Variants in CCDC150 observed in about 807,000 individuals in gnomAD.
CCDC150 encodes coiled-coil domain containing 150, also known as coiled-coil domain-containing protein 150.
A neutral mutation model predicts 156.5 loss-of-function variants in CCDC150; 151 were observed. That is an observed-to-expected ratio of 0.97 (90% CI 0.85 to 1.10). CCDC150 has a LOEUF of 1.10. Ranked by LOEUF, CCDC150 falls within the 50% of genes least tolerant of loss-of-function variation. CCDC150 has a pLI of 0.00. For synonymous variants in CCDC150, 452 were observed against 429.4 expected (o/e 1.05, Z -0.65); for missense variants, 1,312 against 1,268.1 (o/e 1.03, Z -0.53).
At chr2:196,665,529 A>G in intron 5 of CCDC150, 38 bp from the exon 6 acceptor site, 4 of 1,230,546 alleles carry the variant, frequency 3.3e-6, no homozygotes, top group Non-Finnish European at 2.3e-6. Flanking sequence ...AACTAGTATG[A>G]TCAATTGGTC....
rs181117365 is a variant in CCDC150, at chr2:196,725,263, G to A, written c.2430-710G>A. ...GTAAGTCATTATCAGCTAGATCAGA[G>A]AATGTTAAAGCTGGAATAAGCCTAG... On this transcript the variant is annotated intron_variant, in intron 21 of 27. Transcript: ENST00000389175. 1.2e-3 allele frequency among the ~76,000 whole-genome samples: 190 copies of A among 152,274 alleles called. 1 individual carries two copies. Among genetic ancestry groups the A allele is most frequent in the Admixed American group, 2.4e-3 (36 of 15,294 alleles).
intron 18 of CCDC150, 85 bp downstream of exon 18, chr2:196,718,716 G>A: frequency 6.7e-7 from 1 of 1,492,556 alleles, no homozygotes; most frequent in East Asian, 2.3e-5. Flanking sequence ...TCGCTTTCTT[G>A]CTTCCATTAG....
chr2:196,674,118 A>G, intron 9 of CCDC150, 123 bp from the exon 10 acceptor site: 1 of 573,212 alleles, frequency 1.7e-6, no homozygotes, highest in Non-Finnish European at 3.0e-6. Context: ...AATTGAGGAT[A>G]GGTTAAATAG....
intron 15 of CCDC150, among the ~76,000 whole-genome samples, chr2:196,708,499 C>G (rs989408989): frequency 6.6e-6 from 1 of 152,094 alleles, no homozygotes; most frequent in African/African-American, 2.4e-5. Flanking sequence ...GCATTTAGTC[C>G]ATTTACATTT....
chr2:196,684,913 C>T (rs193286396), intron 13 of CCDC150, among the ~76,000 whole-genome samples: 2 of 152,058 alleles, frequency 1.3e-5, no homozygotes, highest in Admixed American at 1.3e-4. Context: ...CATCCTTTTG[C>T]TTTCAACCCC....
intron 2 of CCDC150, among the ~76,000 whole-genome samples, chr2:196,648,655 T>C (rs1559212618): frequency 6.6e-6 from 1 of 152,202 alleles, no homozygotes; most frequent in Non-Finnish European, 1.5e-5. Context: ...TTTCTATTTG[T>C]CTATTTTTGC....
chr2:196,700,923 G>T (rs1181091780), intron 14 of CCDC150, among the ~76,000 whole-genome samples, 186 bp from the exon 15 acceptor site: 1 of 152,188 alleles, frequency 6.6e-6, no homozygotes, highest in Non-Finnish European at 1.5e-5. Flanking sequence ...AGCAGTCTCT[G>T]TACATGTTGC....
At chr2:196,659,632 T>G (rs1208265159) in intron 5 of CCDC150, among the ~76,000 whole-genome samples, 1 of 152,204 alleles carries the variant, frequency 6.6e-6, no homozygotes, top group Non-Finnish European at 1.5e-5. Flanking sequence ...AGCTTGATGC[T>G]CATAGTTAGA....
intron 21 of CCDC150, among the ~76,000 whole-genome samples, chr2:196,724,011 A>G (rs963720839): frequency 1.3e-5 from 2 of 152,194 alleles, no homozygotes; most frequent in Non-Finnish European, 2.9e-5. Context: ...GAGAAAAGAG[A>G]GAGTATAAGA....
chr2:196,666,654 G>T (rs1383168239), intron 6 of CCDC150, 65 bp from the exon 7 acceptor site: 4 of 1,334,556 alleles, frequency 3.0e-6, no homozygotes, highest in Middle Eastern at 1.9e-4. Context: ...TTATACATGT[G>T]CTATAAGGCA....
At position 196,667,099 on chromosome 2, in the gene CCDC150, G is replaced by A. The variant is rs1693895396; in HGVS notation, c.892+251G>A. On this transcript the variant is annotated intron_variant, in intron 7 of 27. Coordinates refer to ENST00000389175, the MANE Select transcript of CCDC150 (RefSeq NM_001080539.2). ...TTTTTTCCAGCTTGTTTGTGGACCTGGGAATATTTGGTTTCTAGACATCTG... is the reference window on the plus strand; with the variant it reads ...TTTTTTCCAGCTTGTTTGTGGACCTAGGAATATTTGGTTTCTAGACATCTG... 10 of 482,618 alleles carry A rather than the reference G, an allele frequency of 2.1e-5. No homozygotes were observed. In the Admixed American group the frequency reaches 3.3e-4, roughly 16 times the overall value. 29.9% of individuals were successfully genotyped at this position (482,618 alleles called of 1,614,324 possible). A position where few individuals can be genotyped will look rare whatever the true frequency, so the allele number is the denominator to read the frequency against.
At chr2:196,708,369 C>T (rs1265542362) in intron 15 of CCDC150, among the ~76,000 whole-genome samples, 1 of 152,114 alleles carries the variant, frequency 6.6e-6, no homozygotes, top group Non-Finnish European at 1.5e-5. Flanking sequence ...GTAGATCTTC[C>T]TCCATCCCTT....
chr2:196,643,139 T>C (rs1313822689), intron 1 of CCDC150, among the ~76,000 whole-genome samples: 2 of 152,220 alleles, frequency 1.3e-5, no homozygotes, highest in East Asian at 3.8e-4. Context: ...TCTCAGCGAT[T>C]GACTAAGAGG....
At chr2:196,650,763 G>A (rs1242602458) in intron 2 of CCDC150, among the ~76,000 whole-genome samples, 1 of 152,162 alleles carries the variant, frequency 6.6e-6, no homozygotes, top group African/African-American at 2.4e-5. Flanking sequence ...TTCTTTTAGT[G>A]TGTTTGTCTG....
At chr2:196,700,353 G>T (rs141952999) in intron 14 of CCDC150, among the ~76,000 whole-genome samples, 1 of 152,152 alleles carries the variant, frequency 6.6e-6, no homozygotes, top group Non-Finnish European at 1.5e-5. Context: ...AATATTTCCT[G>T]TTATTAAGAT....
Position 196,678,323 on chromosome 2 carries a change from A to G in CCDC150, c.1509+962A>G, listed in dbSNP as rs1575816484. Reference sequence around the variant, plus strand: ...TGTTTCTTTGCTTCTGGTTTGCCCAAGTAGCATTTGTATTACCATATATAC... The same window carrying G: ...TGTTTCTTTGCTTCTGGTTTGCCCAGGTAGCATTTGTATTACCATATATAC... On this transcript the variant is annotated intron_variant, in intron 13 of 27. Transcript: ENST00000389175. Among the ~76,000 whole-genome samples, 4 of 152,212 alleles carry G rather than the reference A, an allele frequency of 2.6e-5. No individual in the cohort carries two copies. In the South Asian group the frequency reaches 8.3e-4, roughly 32 times the overall value.
In CCDC150 at chr2:196,677,377, C is replaced by G. The variant is rs760693128; in HGVS notation, c.1509+16C>G. The G allele has an allele frequency of 2.1e-6, 3 of 1,455,688 alleles. No homozygotes were observed. Among genetic ancestry groups the G allele is most frequent in the Non-Finnish European group, 2.8e-6 (3 of 1,058,120 alleles). 90.2% of individuals were successfully genotyped at this position (1,455,688 alleles called of 1,614,324 possible). ...TAAAAACAAGGTATTCTTCATTTTA[C>G]TTACTGATATTTCACTATATTTCCT... On this transcript the variant is annotated intron_variant, in intron 13 of 27. Transcript: ENST00000389175.
At chr2:196,713,248 C>T in intron 17 of CCDC150, 2 of 1,315,252 alleles carry the variant, frequency 1.5e-6, no homozygotes, top group Middle Eastern at 2.0e-4. Context: ...ATATATTTTC[C>T]ATTACGGCTC....
rs185486954 is a variant in CCDC150 at position 196,665,443 on chromosome 2, T to G, written c.646-124T>G. The G allele has an allele frequency of 6.1e-4, 292 of 482,498 alleles. 9 individuals are homozygous for G. In the Admixed American group the frequency reaches 0.011, roughly 18 times the overall value. 29.9% of individuals were successfully genotyped at this position (482,498 alleles called of 1,614,324 possible). A position where few individuals can be genotyped will look rare whatever the true frequency, so the allele number is the denominator to read the frequency against. ...GAAACAAAAGCTTGTTTCTGAGTAGTCATAAATGAATTAAGACTGTTTGGG... is the reference window on the plus strand; with the variant it reads ...GAAACAAAAGCTTGTTTCTGAGTAGGCATAAATGAATTAAGACTGTTTGGG... On this transcript the variant is annotated intron_variant, in intron 5 of 27. Transcript: ENST00000389175.
Sources: allele counts gnomAD v4.1 joint callset (sites outside exome capture counted in the v4.1 genomes callset), GRCh38; gene constraint gnomAD v4.1.1; transcripts MANE v1.5; gene names NCBI Gene and HGNC (gene_info 2026-07-23, HGNC 2026-07-21).